The following CDKAL1 variants were observed in gnomAD, a reference collection of about 807,000 sequenced individuals.
CDKAL1 encodes the protein threonylcarbamoyladenosine tRNA methylthiotransferase.
In CDKAL1, 32 loss-of-function variants were observed where a neutral mutation model predicts 68.2. That is an observed-to-expected ratio of 0.47 (90% CI 0.35 to 0.63). CDKAL1 has a LOEUF of 0.63. Among genes scored for constraint, CDKAL1 ranks in the 30% least tolerant of loss-of-function variants. The pLI, the probability that CDKAL1 is intolerant of heterozygous loss-of-function variation, is 0.00. For synonymous variants in CDKAL1, 234 were observed against 244.3 expected (o/e 0.96, Z 0.39); for missense variants, 606 against 696.7 (o/e 0.87, Z 1.47).
chr6:21,038,534 T>C (rs1339298555), intron 11 of CDKAL1, among the ~76,000 whole-genome samples: 4 of 152,242 alleles, frequency 2.6e-5, no homozygotes, highest in African/African-American at 9.6e-5. Flanking sequence ...TGTACCAATC[T>C]GAAATTACTT....
chr6:20,537,913 A>G (rs1004992041), intron 2 of CDKAL1, among the ~76,000 whole-genome samples: 2 of 152,142 alleles, frequency 1.3e-5, no homozygotes, highest in Admixed American at 6.5e-5. Context: ...GTTTGTTCAA[A>G]GTAAAACCTT....
chr6:21,014,436 A>G (rs796458223), intron 11 of CDKAL1, among the ~76,000 whole-genome samples: 62 of 152,172 alleles, frequency 4.1e-4, no homozygotes, highest in African/African-American at 1.4e-3. Flanking sequence ...CCCTGTCTCT[A>G]CTAAAAATGC....
At chr6:21,129,712 A>G (rs1775199818) in intron 13 of CDKAL1, among the ~76,000 whole-genome samples, 1 of 151,484 alleles carries the variant, frequency 6.6e-6, no homozygotes, top group Non-Finnish European at 1.5e-5. Context: ...AAAAGGAAAA[A>G]ATGGAGTAAT....
At chr6:20,909,968 C>T (rs1474681535) in intron 9 of CDKAL1, among the ~76,000 whole-genome samples, 1 of 152,192 alleles carries the variant, frequency 6.6e-6, no homozygotes, top group East Asian at 1.9e-4. Context: ...AGAAGATAAG[C>T]ATTATTTGTA....
intron 9 of CDKAL1, among the ~76,000 whole-genome samples, chr6:20,936,856 A>G (rs1763745543): frequency 6.6e-6 from 1 of 152,196 alleles, no homozygotes; most frequent in Non-Finnish European, 1.5e-5. Context: ...CTTGATTTAC[A>G]TTAGACAAAG....
chr6:20,947,376 A>G (rs1764296573), intron 9 of CDKAL1, among the ~76,000 whole-genome samples: 2 of 152,130 alleles, frequency 1.3e-5, no homozygotes, highest in Non-Finnish European at 2.9e-5. Flanking sequence ...AGATTTTTTG[A>G]GTCCAGGAAT....
chr6:21,144,172 C>T (rs1258458485), intron 13 of CDKAL1, among the ~76,000 whole-genome samples: 1 of 152,180 alleles, frequency 6.6e-6, no homozygotes, highest in Non-Finnish European at 1.5e-5. Context: ...AATCATCTCA[C>T]CACCTAGCCA....
rs1162428971 is a variant in CDKAL1, at chr6:20,649,326, A to C, written c.320A>C (p.Asn107Thr). The C allele has an allele frequency of 6.2e-7, 1 of 1,608,432 alleles. No homozygotes were observed. Among genetic ancestry groups the C allele is most frequent in the Admixed American group, 1.7e-5 (1 of 58,068 alleles). ...NASDADLWLLNSCTVKNPAED... is the reference protein window; with the variant it reads ...NASDADLWLLTSCTVKNPAED... Reference sequence around the variant, plus strand: ...TCCGATGCAGATTTATGGCTCCTGAACAGTTGCACTGTAAAAAACCCAGCT... The same window carrying C: ...TCCGATGCAGATTTATGGCTCCTGACCAGTTGCACTGTAAAAAACCCAGCT... Residue 107 changes from asparagine (N) to threonine (T), a missense_variant, in exon 5 of 16, where the codon AAC (asparagine) becomes ACC (threonine). By Grantham distance (65) the Asn-to-Thr change is moderately conservative. Coordinates refer to ENST00000274695, the MANE Select transcript of CDKAL1 (RefSeq NM_017774.3).
At chr6:21,196,876 G>A (rs1454884894) in intron 13 of CDKAL1, among the ~76,000 whole-genome samples, 1 of 152,146 alleles carries the variant, frequency 6.6e-6, no homozygotes, top group Non-Finnish European at 1.5e-5. Flanking sequence ...GAGTAACTGA[G>A]TCCAGGCATG....
At chr6:21,182,687 T>A (rs980395903) in intron 13 of CDKAL1, among the ~76,000 whole-genome samples, 1 of 152,150 alleles carries the variant, frequency 6.6e-6, no homozygotes, top group African/African-American at 2.4e-5. Flanking sequence ...CTCTTAAAAA[T>A]AAAGAACAGT....
chr6:20,669,707 C>T (rs1254888191), intron 5 of CDKAL1, among the ~76,000 whole-genome samples: 1 of 152,102 alleles, frequency 6.6e-6, no homozygotes, highest in Non-Finnish European at 1.5e-5. Flanking sequence ...TGAGCACTTC[C>T]TTATTTCCCG....
rs192966536 is a variant in CDKAL1 at position 20,928,489 on chromosome 6, C to T, written c.743-26930C>T. Among the ~76,000 whole-genome samples the T allele has an allele frequency of 2.3e-3, 350 of 152,172 alleles. 1 individual carries two copies. Among genetic ancestry groups the T allele is most frequent in the Non-Finnish European group, 3.3e-3 (221 of 67,976 alleles). Reference sequence around the variant, plus strand: ...TGTAGCTTGTTTTTGGAAGGGTATCCTTAGCTTCCATCAGTATCAAAGGGG... The same window carrying T: ...TGTAGCTTGTTTTTGGAAGGGTATCTTTAGCTTCCATCAGTATCAAAGGGG... On this transcript the variant is annotated intron_variant, in intron 9 of 15. Transcript: ENST00000274695.
intron 11 of CDKAL1, among the ~76,000 whole-genome samples, chr6:21,048,641 A>G (rs1413601126): frequency 6.6e-6 from 1 of 152,188 alleles, no homozygotes. Flanking sequence ...TAACACTTCC[A>G]TTAAAAGTAA....
In CDKAL1 at chr6:20,951,248, A is replaced by C. The variant is rs369986286; in HGVS notation, c.743-4171A>C. Among the ~76,000 whole-genome samples the C allele has an allele frequency of 3.3e-5, 5 of 152,332 alleles. No homozygotes were observed. The East Asian group carries it at 7.7e-4, about 24-fold the overall frequency. On this transcript the variant is annotated intron_variant, in intron 9 of 15. Coordinates refer to ENST00000274695, the MANE Select transcript of CDKAL1 (RefSeq NM_017774.3). ...AAGCAGGAACTACTAGAGAAATGCT[A>C]CTTCTTGACTAGATAAAATCAGTCT...
chr6:20,641,698 C>T lies in CDKAL1; in HGVS notation c.287-7595C>T, dbSNP rs1581877941. On this transcript the variant is annotated intron_variant, in intron 4 of 15. Transcript: ENST00000274695. ...AGATTTATGTTGCTTTCTAAACAGG[C>T]ATGATATTTCAGCTGCAGTCCCGTA... Among the ~76,000 whole-genome samples, 10 of 152,334 alleles carry T rather than the reference C, an allele frequency of 6.6e-5. No homozygotes were observed. The South Asian group carries it at 2.1e-3, about 32-fold the overall frequency.
At position 21,225,194 on chromosome 6, in the gene CDKAL1, G is replaced by C. The variant is rs547738134; in HGVS notation, c.1549-5654G>C. On this transcript the variant is annotated intron_variant, in intron 15 of 15. Coordinates refer to ENST00000274695, the MANE Select transcript of CDKAL1 (RefSeq NM_017774.3). ...GACAAGACGAGCAGGCCCACACGGG[G>C]TGGGCAGTGGTTGAGAGAGGTTTTC... 3.9e-5 allele frequency among the ~76,000 whole-genome samples: 6 copies of C among 152,274 alleles called. No individual in the cohort carries two copies. In the South Asian group the frequency reaches 1.0e-3, roughly 26 times the overall value.
intron 4 of CDKAL1, among the ~76,000 whole-genome samples, chr6:20,606,612 T>G (rs1479631173): frequency 1.3e-5 from 2 of 152,216 alleles, no homozygotes; most frequent in African/African-American, 4.8e-5. Context: ...AGGTCTTGTT[T>G]TAAGGATATG....
intron 8 of CDKAL1, among the ~76,000 whole-genome samples, chr6:20,799,242 G>A (rs1159230757): frequency 6.6e-6 from 1 of 151,678 alleles, no homozygotes; most frequent in African/African-American, 2.4e-5. Flanking sequence ...AGTAGAGACG[G>A]GGTTTCTCCA....
intron 4 of CDKAL1, among the ~76,000 whole-genome samples, chr6:20,565,147 A>C (rs577244334): frequency 6.6e-6 from 1 of 151,922 alleles, no homozygotes; most frequent in African/African-American, 2.4e-5. Flanking sequence ...ATCTATATAT[A>C]TATATATTTT....
Sources: gnomAD v4.1 joint callset for allele counts (sites outside exome capture counted in the v4.1 genomes callset) on GRCh38, gnomAD v4.1.1 for gene constraint, MANE v1.5 for transcripts, NCBI Gene and HGNC (gene_info 2026-07-23, HGNC 2026-07-21) for gene names.